Variants in TRMT2B observed in about 807,000 individuals in gnomAD.
The protein encoded by TRMT2B is tRNA (uracil-5-)-methyltransferase homolog B.
A neutral mutation model predicts 39.7 loss-of-function variants in TRMT2B; 34 were observed. That is an observed-to-expected ratio of 0.86 (90% confidence interval 0.65 to 1.14). The LOEUF (loss-of-function observed/expected upper bound fraction) is 1.14. TRMT2B is among the 50% of genes most tolerant of loss of function. TRMT2B has a pLI of 0.00. For missense variants in TRMT2B, 318 were observed against 377.2 expected, an observed-to-expected ratio of 0.84 and a Z score of 1.30; for synonymous variants, 132 against 137.3, an observed-to-expected ratio of 0.96 and a Z score of 0.27.
the TRMT2B span, among the ~76,000 whole-genome samples, chrX:100,996,506 C>T: frequency 1.8e-5 from 2 of 111,521 alleles, no homozygotes; most frequent in Non-Finnish European, 3.8e-5. Flanking sequence ...ATGCATATAT[C>T]GAAACATCAC....
Position 101,034,093 on chromosome X carries a change from C to T in TRMT2B, c.609+1520G>A, listed in dbSNP as rs371106763. Among the ~76,000 whole-genome samples the T allele has an allele frequency of 5.5e-5, 6 of 108,349 alleles. No individual in the cohort carries two copies. The East Asian group carries it at 1.5e-3, about 26-fold the overall frequency. 94.1% of individuals were successfully genotyped at this position (108,349 alleles called of 115,157 possible). ...CTGACCTCAGGTGATCTGCCCGCCTCGGCCTCCCAAAGTGCTGAGATTACA... is the reference window on the plus strand; with the variant it reads ...CTGACCTCAGGTGATCTGCCCGCCTTGGCCTCCCAAAGTGCTGAGATTACA... On this transcript the variant is annotated intron_variant, in intron 7 of 13. Coordinates refer to ENST00000372936, the MANE Select transcript of TRMT2B (RefSeq NM_024917.6).
chrX:100,996,428 C>G, the TRMT2B span, among the ~76,000 whole-genome samples: 1 of 112,028 alleles, frequency 8.9e-6, no homozygotes, highest in Non-Finnish European at 1.9e-5. Flanking sequence ...TTTAAACATT[C>G]CCAACAAAGA....
At chrX:100,998,758 G>C in the TRMT2B span, among the ~76,000 whole-genome samples, 1 of 111,083 alleles carries the variant, frequency 9.0e-6, no homozygotes, top group Non-Finnish European at 1.9e-5. Flanking sequence ...CTAGATCACA[G>C]AGCATGTAAG....
chrX:101,028,179 C>T (rs373352313), intron 7 of TRMT2B, among the ~76,000 whole-genome samples: 27 of 94,346 alleles, frequency 2.9e-4, no homozygotes, highest in African/African-American at 1.1e-3. Context: ...AGTGCAGTGG[C>T]GCGGTTTAGG....
rs1000439008 is a variant in TRMT2B, at chrX:101,010,127, C to T, written c.*454G>A. The T allele has an allele frequency of 8.9e-6, 1 of 112,936 alleles. No homozygotes were observed. Among genetic ancestry groups the T allele is most frequent in the African/African-American group, 3.3e-5 (1 of 30,655 alleles). The allele number at this position is 112,936 out of a possible 1,213,427, so 9.3% of individuals were successfully genotyped here. A position where few individuals can be genotyped will look rare whatever the true frequency, so the allele number is the denominator to read the frequency against. On this transcript the variant is annotated 3_prime_UTR_variant, in exon 14 of 14. Transcript: ENST00000372936. Reference sequence around the variant, plus strand: ...ATCTGAAATCTAAGGTTAAGTCAGCCGCGGCGGGGTGTGGTGGCTCACGCC... The same window carrying T: ...ATCTGAAATCTAAGGTTAAGTCAGCTGCGGCGGGGTGTGGTGGCTCACGCC...
At chrX:101,043,297 A>G (rs1251489083) in intron 2 of TRMT2B, among the ~76,000 whole-genome samples, 1 of 109,892 alleles carries the variant, frequency 9.1e-6, no homozygotes, top group African/African-American at 3.3e-5. Flanking sequence ...TAAGGTGGGG[A>G]GAGGTGGCTC....
the TRMT2B span, among the ~76,000 whole-genome samples, chrX:100,980,582 T>G: frequency 9.0e-6 from 1 of 111,221 alleles, no homozygotes; most frequent in Non-Finnish European, 1.9e-5. Flanking sequence ...TGCTGTATTT[T>G]ACTGTGGCTG....
At chrX:101,003,451 C>T in the TRMT2B span, among the ~76,000 whole-genome samples, 1 of 108,159 alleles carries the variant, frequency 9.2e-6, no homozygotes, top group Middle Eastern at 5.0e-3. Context: ...TGGGTTCAAG[C>T]GATTCTCCTG....
At chrX:101,026,314 T>C (rs1256752044) in intron 7 of TRMT2B, among the ~76,000 whole-genome samples, 2 of 109,292 alleles carry the variant, frequency 1.8e-5, no homozygotes, top group African/African-American at 3.3e-5. Context: ...CCATCTCTAC[T>C]AAAAGTACAA....
At chrX:100,973,601 G>C in the TRMT2B span, 2 of 1,028,707 alleles carry the variant, frequency 1.9e-6, no homozygotes, top group Non-Finnish European at 2.7e-6. Flanking sequence ...CACCTGTTTA[G>C]TCATAAGCTG....
rs1487317777 is a variant in TRMT2B, at chrX:101,046,237, T to C, written c.-23-3925A>G. Among the ~76,000 whole-genome samples, 21 of 110,691 alleles carry C rather than the reference T, an allele frequency of 1.9e-4. No homozygotes were observed. The Admixed American group carries it at 2.0e-3, about 10-fold the overall frequency. On this transcript the variant is annotated intron_variant, in intron 2 of 13. Transcript: ENST00000372936. ...AAGGCAAGAGCAAAAGGCCAATGAC[T>C]GTATCAGGGAGAAAGGTAATATTTG...
At chrX:100,995,204 A>G in the TRMT2B span, among the ~76,000 whole-genome samples, 2 of 111,595 alleles carry the variant, frequency 1.8e-5, no homozygotes, top group Non-Finnish European at 3.8e-5. Flanking sequence ...TGTATAGAGA[A>G]TGAGAACTGT....
intron 11 of TRMT2B, 130 bp from the exon 12 acceptor site, chrX:101,019,533 A>G: frequency 1.2e-6 from 1 of 834,959 alleles, no homozygotes; most frequent in Non-Finnish European, 1.7e-6. Flanking sequence ...CCAAGTAACA[A>G]GGAAAGAAGT....
At chrX:100,987,356 C>T in the TRMT2B span, 1 of 1,200,011 alleles carries the variant, frequency 8.3e-7, no homozygotes, top group Non-Finnish European at 1.1e-6. Context: ...TCCCAGGCTC[C>T]AGGTCTGCAG....
chrX:101,002,937 T>C, the TRMT2B span, among the ~76,000 whole-genome samples: 1 of 111,069 alleles, frequency 9.0e-6, no homozygotes, highest in East Asian at 2.8e-4. Context: ...TGAGACAGGG[T>C]CTTGCTCTGC....
intron 13 of TRMT2B, among the ~76,000 whole-genome samples, chrX:101,017,321 T>C (rs900658025): frequency 3.6e-5 from 4 of 111,915 alleles, no homozygotes; most frequent in African/African-American, 1.3e-4. Flanking sequence ...TCATCAAATC[T>C]ACAGGTTTTT....
the TRMT2B span, among the ~76,000 whole-genome samples, chrX:100,976,859 A>C: frequency 8.9e-6 from 1 of 112,530 alleles, no homozygotes; most frequent in Non-Finnish European, 1.9e-5. Flanking sequence ...TGGCCTCCCA[A>C]AGTGGTGGGA....
the TRMT2B span, chrX:100,985,923 T>G: frequency 8.3e-7 from 1 of 1,198,707 alleles, no homozygotes; most frequent in Non-Finnish European, 1.1e-6. Flanking sequence ...TAATGTAAGA[T>G]TCTGCCTTTC....
chrX:100,988,122 T>C, the TRMT2B span: 2 of 834,687 alleles, frequency 2.4e-6, no homozygotes, highest in South Asian at 2.4e-5. Context: ...GATGGGGTAG[T>C]AGCTGCATTA....
Sources: gnomAD v4.1 joint callset for allele counts (sites outside exome capture counted in the v4.1 genomes callset) on GRCh38, gnomAD v4.1.1 for gene constraint, MANE v1.5 for transcripts, NCBI Gene and HGNC (gene_info 2026-07-23, HGNC 2026-07-21) for gene names.